The following E2F3 variants were observed in gnomAD, a reference collection of about 807,000 sequenced individuals.
E2F3 encodes the protein transcription factor E2F3.
Under a neutral mutation model 44.4 loss-of-function variants are expected in E2F3, and 11 were observed. That is an observed-to-expected ratio of 0.25 (90% CI 0.16 to 0.41). The LOEUF (loss-of-function observed/expected upper bound fraction) is 0.41. Ranked by LOEUF, E2F3 falls within the 10% of genes least tolerant of loss-of-function variation. E2F3 has a pLI of 1.00. For missense variants in E2F3, 487 were observed against 583.6 expected (o/e 0.83, Z 1.70); for synonymous variants, 249 against 253.0 (o/e 0.98, Z 0.15).
At position 20,479,743 on chromosome 6, in the gene E2F3, C is replaced by T; in HGVS notation, c.394-103C>T. On this transcript the variant is annotated intron_variant, in intron 1 of 6. Transcript: ENST00000346618. ...GTGGGGTGGAGCAGAGGGGTGAGAGCTGGCATGAGCCTGCAGCATTTGGCA... is the reference window on the plus strand; with the variant it reads ...GTGGGGTGGAGCAGAGGGGTGAGAGTTGGCATGAGCCTGCAGCATTTGGCA... 6 of 904,540 alleles carry T rather than the reference C, an allele frequency of 6.6e-6. No homozygotes were observed. In the South Asian group the frequency reaches 7.8e-5, roughly 12 times the overall value. The allele number at this position is 904,540 out of a possible 1,614,324, so 56.0% of individuals were successfully genotyped here. A position where few individuals can be genotyped will look rare whatever the true frequency, so the allele number is the denominator to read the frequency against.
At chr6:20,422,546 C>A (rs145022711) in intron 1 of E2F3, among the ~76,000 whole-genome samples, 2 of 152,178 alleles carry the variant, frequency 1.3e-5, no homozygotes, top group East Asian at 3.9e-4. Context: ...CAGGTTTTGA[C>A]GTACATTTCC....
chr6:20,408,489 G>T (rs371626512), intron 1 of E2F3, among the ~76,000 whole-genome samples: 2 of 152,284 alleles, frequency 1.3e-5, no homozygotes, highest in South Asian at 2.1e-4. Flanking sequence ...CTTAACTGGG[G>T]GTCAGTCTTA....
chr6:20,441,206 C>T (rs1489346289), intron 1 of E2F3, among the ~76,000 whole-genome samples: 2 of 152,102 alleles, frequency 1.3e-5, no homozygotes, highest in Non-Finnish European at 2.9e-5. Flanking sequence ...TACTTTCTGT[C>T]TGTATGAACT....
chr6:20,491,290 T>A lies in E2F3; in HGVS notation c.*860T>A. 1 of 230,868 alleles carries A rather than the reference T, an allele frequency of 4.3e-6. No homozygotes were observed. 14.3% of individuals were successfully genotyped at this position (230,868 alleles called of 1,614,324 possible). ...CATTCCTGTGGCACCCATCACCATT[T>A]CAATTTAATTGTTTACTTTGAAGCG... On this transcript the variant is annotated 3_prime_UTR_variant, in exon 7 of 7. Transcript: ENST00000346618.
chr6:20,427,763 A>C (rs192615792), intron 1 of E2F3, among the ~76,000 whole-genome samples: 3 of 152,168 alleles, frequency 2.0e-5, no homozygotes, highest in Non-Finnish European at 4.4e-5. Flanking sequence ...CATGCCATGC[A>C]TCTCCTCTTT....
rs185066949 is a variant in E2F3, at chr6:20,432,659, G to A, written c.393+30034G>A. On this transcript the variant is annotated intron_variant, in intron 1 of 6. Coordinates refer to ENST00000346618, the MANE Select transcript of E2F3 (RefSeq NM_001949.5). ...TCTGATTGAGAGATGGATGTGGTCT[G>A]GAGTATGTGAAAATGGGATAGATGG... Among the ~76,000 whole-genome samples, 17 of 152,330 alleles carry A rather than the reference G, an allele frequency of 1.1e-4. No individual in the cohort carries two copies. In the East Asian group the frequency reaches 3.3e-3, roughly 29 times the overall value.
intron 1 of E2F3, among the ~76,000 whole-genome samples, chr6:20,464,473 C>G (rs545875866): frequency 3.3e-5 from 5 of 152,188 alleles, no homozygotes; most frequent in African/African-American, 2.4e-5. Context: ...TTACAGTGTT[C>G]CTGTGACATC....
chr6:20,490,240 C>T lies in E2F3; in HGVS notation c.1208C>T (p.Pro403Leu), dbSNP rs1349156167. 3 of 1,614,166 alleles carry T rather than the reference C, an allele frequency of 1.9e-6. No homozygotes were observed. Among genetic ancestry groups the T allele is most frequent in the South Asian group, 1.1e-5 (1 of 91,072 alleles). The change falls in exon 7 of 7, where the codon CCA (proline) becomes CTA (leucine). Residue 403 changes from proline to leucine, a missense_variant. This residue lies in a region of E2F3 where 220 missense variants were observed against 261.7 expected (regional missense o/e 0.84). Transcript: ENST00000346618. The surrounding 1 kb of genome is among the most constrained non-coding windows in gnomAD (Gnocchi z 4.3). The part of the protein sequence containing the change: ...SMGNLSPLAS[P>L]ANLLQQTEDQ... ...GGAAACCTTTCTCCTCTGGCCTCCC[C>T]AGCCAACCTCTTACAGCAGACTGAG...
At chr6:20,428,686 G>A (rs114010962) in intron 1 of E2F3, among the ~76,000 whole-genome samples, 1,545 of 152,260 alleles carry the variant, frequency 0.01, 28 homozygotes, top group African/African-American at 0.035. Context: ...GCTGAAAACA[G>A]GTCTCTTGCC....
chr6:20,467,132 A>G (rs2328523), intron 1 of E2F3, among the ~76,000 whole-genome samples: 120,449 of 152,134 alleles, frequency 0.79, 48,033 homozygotes, highest in African/African-American at 0.87. Flanking sequence ...ATGAGGGGAA[A>G]CTGAGCAAGT....
At chr6:20,426,562 GC>G (rs879444617) in intron 1 of E2F3, among the ~76,000 whole-genome samples, 3 of 152,090 alleles carry the variant, frequency 2.0e-5, no homozygotes, top group Non-Finnish European at 2.9e-5. Context: ...TCCATTCCCA[GC>G]CTCTCTGTTG....
At chr6:20,425,006 T>C (rs1248601847) in intron 1 of E2F3, among the ~76,000 whole-genome samples, 1 of 152,186 alleles carries the variant, frequency 6.6e-6, no homozygotes, top group Admixed American at 6.5e-5. Context: ...TTATCAGGTG[T>C]TTCTCCATGT....
chr6:20,439,592 C>G lies in E2F3; in HGVS notation c.393+36967C>G, dbSNP rs141339287. Among the ~76,000 whole-genome samples, 67 of 152,250 alleles carry G rather than the reference C, an allele frequency of 4.4e-4. 1 individual carries two copies. The East Asian group carries it at 0.011, about 25-fold the overall frequency. On this transcript the variant is annotated intron_variant, in intron 1 of 6. Transcript: ENST00000346618. ...TGTCACCCAGGCTTGCATACAGTGGCGTGATCATAGCTCACTGCAGTCTCA... is the reference window on the plus strand; with the variant it reads ...TGTCACCCAGGCTTGCATACAGTGGGGTGATCATAGCTCACTGCAGTCTCA...
intron 1 of E2F3, among the ~76,000 whole-genome samples, chr6:20,451,165 ATGT>A (rs1443753731): frequency 6.6e-6 from 1 of 152,194 alleles, no homozygotes; most frequent in African/African-American, 2.4e-5. Flanking sequence ...TCTGTGAAGA[ATGT>A]TGTTGGTAGT....
chr6:20,408,702 A>G (rs1311621929), intron 1 of E2F3, among the ~76,000 whole-genome samples: 1 of 152,204 alleles, frequency 6.6e-6, no homozygotes, highest in Non-Finnish European at 1.5e-5. Flanking sequence ...AAACTAAGGC[A>G]GGGGTTTATG....
Position 20,402,176 on chromosome 6 carries a change from A to G in E2F3, c.-57A>G. 3 of 1,499,642 alleles carry G rather than the reference A, an allele frequency of 2.0e-6. No homozygotes were observed. The highest frequency in any genetic ancestry group is 2.7e-5 in the South Asian group (2 of 74,130). 92.9% of individuals were successfully genotyped at this position (1,499,642 alleles called of 1,614,324 possible). The stretch of plus-strand genomic sequence containing the variant: ...TGGAAACTCCGACTGCAAATAATAA[A>G]GAAATTGAAAACAATACATTAATAT... On this transcript the variant is annotated 5_prime_UTR_variant, in exon 1 of 7. Coordinates refer to ENST00000346618, the MANE Select transcript of E2F3 (RefSeq NM_001949.5). The surrounding 1 kb of genome is among the most constrained non-coding windows in gnomAD (Gnocchi z 5.6).
rs1762512120 is a variant in E2F3, at chr6:20,490,094, A to G, written c.1136-74A>G. 9 of 1,471,126 alleles carry G rather than the reference A, an allele frequency of 6.1e-6. No homozygotes were observed. The highest frequency in any genetic ancestry group is 1.4e-5 in the African/African-American group (1 of 70,790). The allele number at this position is 1,471,126 out of a possible 1,614,324, so 91.1% of individuals were successfully genotyped here. A position where few individuals can be genotyped will look rare whatever the true frequency, so the allele number is the denominator to read the frequency against. ...GTACATGCTTTTTTCTAACAGCAAC[A>G]TATACATTCTTCCAGAAAAATTCAT... On this transcript the variant is annotated intron_variant, in intron 6 of 6. Coordinates refer to ENST00000346618, the MANE Select transcript of E2F3 (RefSeq NM_001949.5). This position sits in a 1 kb window ranked among gnomAD's most constrained non-coding sequence, Gnocchi z 4.3.
intron 1 of E2F3, among the ~76,000 whole-genome samples, chr6:20,412,176 G>C (rs549268875): frequency 3.9e-5 from 6 of 152,230 alleles, no homozygotes; most frequent in Admixed American, 1.3e-4. Flanking sequence ...GTGTGGTGTC[G>C]ACAGAAAGTG....
At chr6:20,414,597 C>T (rs1271721668) in intron 1 of E2F3, among the ~76,000 whole-genome samples, 1 of 152,142 alleles carries the variant, frequency 6.6e-6, no homozygotes, top group Admixed American at 6.5e-5. Context: ...CTATAATTGA[C>T]TTTTGATATG....
Sources: allele counts gnomAD v4.1 joint callset (sites outside exome capture counted in the v4.1 genomes callset), GRCh38; gene constraint gnomAD v4.1.1; regional missense constraint gnomAD v4.1.1; non-coding constraint Gnocchi (gnomAD v3.1); transcripts MANE v1.5; gene names NCBI Gene and HGNC (gene_info 2026-07-23, HGNC 2026-07-21).